The following FAAH2 variants were observed in gnomAD, a reference collection of about 807,000 sequenced individuals.
FAAH2 encodes the protein fatty acid amide hydrolase 2.
FAAH2 carries 60 observed loss-of-function variants against 36.9 expected under a neutral mutation model. That is an observed-to-expected ratio of 1.63 (90% CI 1.32 to 2.02). The LOEUF (loss-of-function observed/expected upper bound fraction) is 2.02, where lower values mean the gene tolerates loss of function less well. Ranked by LOEUF, FAAH2 falls within the 30% of genes most tolerant of loss-of-function variation. The pLI, the probability that FAAH2 is intolerant of heterozygous loss-of-function variation, is 0.00. For missense variants in FAAH2, 689 were observed against 397.5 expected, an observed-to-expected ratio of 1.73 and a Z score of -6.23; for synonymous variants, 214 against 143.8, an observed-to-expected ratio of 1.49 and a Z score of -3.49.
intron 9 of FAAH2, among the ~76,000 whole-genome samples, chrX:57,448,147 C>T (rs2056717662): frequency 9.0e-6 from 1 of 111,433 alleles, no homozygotes; most frequent in Non-Finnish European, 1.9e-5. Flanking sequence ...ACCACCACAC[C>T]TGGCTAAGAG....
chrX:57,275,287 C>G, the FAAH2 span, among the ~76,000 whole-genome samples: 1 of 112,441 alleles, frequency 8.9e-6, no homozygotes, highest in African/African-American at 3.2e-5. Flanking sequence ...TTTATCTCTT[C>G]ATTGCTGAAC....
At chrX:57,268,285 G>A in the FAAH2 span, among the ~76,000 whole-genome samples, 1 of 111,045 alleles carries the variant, frequency 9.0e-6, no homozygotes, top group Non-Finnish European at 1.9e-5. Context: ...AATAAGGCAG[G>A]CAGACAAGAA....
intron 10 of FAAH2, among the ~76,000 whole-genome samples, chrX:57,453,613 T>C (rs886127729): frequency 2.3e-4 from 25 of 107,836 alleles, no homozygotes; most frequent in African/African-American, 8.6e-4. Context: ...CAACAGCAGG[T>C]CAGGCAACTG....
At chrX:57,306,690 TTGTGTGTGTGTGTGTGTGTG>T (rs758466450) in intron 2 of FAAH2, among the ~76,000 whole-genome samples, 1 of 68,580 alleles carries the variant, frequency 1.5e-5, no homozygotes, top group Admixed American at 1.9e-4. Context: ...TAGCAACATC[TTGTGTGTGTGTGTGTGTGTG>T]TGTGTGTGTG....
chrX:57,368,392 T>C (rs936581423), intron 5 of FAAH2, among the ~76,000 whole-genome samples: 2 of 111,101 alleles, frequency 1.8e-5, no homozygotes, highest in Non-Finnish European at 3.8e-5. Flanking sequence ...ACTCTCTTGA[T>C]GTGAGAACCA....
At chrX:57,159,593 T>C in the FAAH2 span, among the ~76,000 whole-genome samples, 27 of 111,264 alleles carry the variant, frequency 2.4e-4, no homozygotes, top group Non-Finnish European at 4.5e-4. Flanking sequence ...TTTTATTCTC[T>C]TTGAAGCAAT....
chrX:57,152,025 C>G, the FAAH2 span, among the ~76,000 whole-genome samples: 2 of 111,845 alleles, frequency 1.8e-5, no homozygotes, highest in South Asian at 3.8e-4. Flanking sequence ...CACTCCAGAC[C>G]CTGTTTGCCT....
At chrX:57,393,063 G>A in intron 7 of FAAH2, 1 of 921,427 alleles carries the variant, frequency 1.1e-6, no homozygotes, top group South Asian at 2.0e-5. Context: ...CAGGGCTAAG[G>A]TACCCTTGCC....
At chrX:57,153,881 C>T in the FAAH2 span, among the ~76,000 whole-genome samples, 2 of 112,476 alleles carry the variant, frequency 1.8e-5, no homozygotes. Flanking sequence ...GTTCTTTGAG[C>T]TTCTTGTATT....
chrX:57,287,716 T>C (rs1232681419), intron 1 of FAAH2, among the ~76,000 whole-genome samples: 1 of 111,930 alleles, frequency 8.9e-6, no homozygotes, highest in Non-Finnish European at 1.9e-5. Context: ...CTCTGTCATA[T>C]AAGTGATTGG....
intron 7 of FAAH2, among the ~76,000 whole-genome samples, chrX:57,383,493 C>A (rs2054916413): frequency 8.9e-6 from 1 of 111,957 alleles, no homozygotes; most frequent in African/African-American, 3.3e-5. Context: ...GATACAAAAT[C>A]AATGTGCAAA....
chrX:57,189,417 T>C, the FAAH2 span, among the ~76,000 whole-genome samples: 4 of 109,944 alleles, frequency 3.6e-5, no homozygotes, highest in South Asian at 1.6e-3. Context: ...CTCCATCCAG[T>C]TTTGTGCCCA....
chrX:57,342,682 G>A (rs889836621), intron 5 of FAAH2, among the ~76,000 whole-genome samples: 2 of 110,751 alleles, frequency 1.8e-5, no homozygotes, highest in East Asian at 5.7e-4. Flanking sequence ...TGGGTAAATT[G>A]TGTGTCCATG....
chrX:57,124,723 C>A, the FAAH2 span, among the ~76,000 whole-genome samples: 1 of 111,461 alleles, frequency 9.0e-6, no homozygotes, highest in Admixed American at 9.5e-5. Context: ...CCTTCACATC[C>A]CTTGTAAGTT....
the FAAH2 span, among the ~76,000 whole-genome samples, chrX:57,269,447 A>G: frequency 8.9e-6 from 1 of 111,828 alleles, no homozygotes; most frequent in Admixed American, 9.5e-5. Context: ...CACATGGGAC[A>G]TACTCTAAAA....
the FAAH2 span, among the ~76,000 whole-genome samples, chrX:57,198,941 G>GT: frequency 6.2e-5 from 7 of 112,242 alleles, no homozygotes; most frequent in Non-Finnish European, 9.4e-5. Context: ...GACAGTCACA[G>GT]TTTTTTGTGG....
At chrX:57,412,561 T>C (rs1447105326) in intron 7 of FAAH2, among the ~76,000 whole-genome samples, 1 of 112,194 alleles carries the variant, frequency 8.9e-6, no homozygotes, top group Non-Finnish European at 1.9e-5. Flanking sequence ...CTCATCCTTC[T>C]TTTCTGGCTG....
chrX:57,343,664 G>C (rs139856999), intron 5 of FAAH2, among the ~76,000 whole-genome samples: 86 of 111,232 alleles, frequency 7.7e-4, no homozygotes, highest in Admixed American at 1.4e-3. Flanking sequence ...ATTGCTTTTG[G>C]AGACTTAGCC....
At chrX:57,206,923 T>C in the FAAH2 span, among the ~76,000 whole-genome samples, 3 of 111,971 alleles carry the variant, frequency 2.7e-5, no homozygotes, top group African/African-American at 9.7e-5. Context: ...AATTGTTCAG[T>C]AACTAAGTCC....
Sources: gnomAD v4.1 joint callset for allele counts (sites outside exome capture counted in the v4.1 genomes callset) on GRCh38, gnomAD v4.1.1 for gene constraint, MANE v1.5 for transcripts, NCBI Gene and HGNC (gene_info 2026-07-23, HGNC 2026-07-21) for gene names.